The following MAML3 variants were observed in gnomAD, a reference collection of about 807,000 sequenced individuals.
The protein encoded by MAML3 is mastermind like transcriptional coactivator 3, also known as mastermind-like protein 3.
A neutral mutation model predicts 101.9 loss-of-function variants in MAML3; 27 were observed. The ratio of observed to expected loss-of-function variants is 0.27; its 90% CI spans 0.20 to 0.37. The LOEUF (loss-of-function observed/expected upper bound fraction) is 0.37, where lower values mean the gene tolerates loss of function less well. Among genes scored for constraint, MAML3 ranks in the 10% least tolerant of loss-of-function variants. The pLI, the probability that MAML3 is intolerant of heterozygous loss-of-function variation, is 1.00. For missense variants in MAML3, 1,316 were observed against 1,444.9 expected (o/e 0.91, Z 1.45); for synonymous variants, 501 against 555.9 (o/e 0.90, Z 1.39).
chr4:139,909,224 T>A (rs982272607), intron 1 of MAML3, among the ~76,000 whole-genome samples: 3 of 152,154 alleles, frequency 2.0e-5, no homozygotes, highest in Admixed American at 2.0e-4. Flanking sequence ...CTATACCTCA[T>A]GGAAAGGATT....
intron 1 of MAML3, among the ~76,000 whole-genome samples, chr4:139,909,441 A>G (rs1732878703): frequency 6.6e-6 from 1 of 152,192 alleles, no homozygotes; most frequent in Non-Finnish European, 1.5e-5. Flanking sequence ...AAGACCTGGG[A>G]AGCATCAACT....
At chr4:139,889,133 C>G in intron 2 of MAML3, 1 of 845,726 alleles carries the variant, frequency 1.2e-6, no homozygotes, top group Non-Finnish European at 2.0e-6. Flanking sequence ...AAGTTTGATT[C>G]CTAGACACTG....
intron 2 of MAML3, among the ~76,000 whole-genome samples, chr4:139,732,661 A>G (rs1405046663): frequency 2.0e-5 from 3 of 151,560 alleles, no homozygotes; most frequent in East Asian, 3.9e-4. Flanking sequence ...TCCATAAGTT[A>G]TCGGGGTACA....
At chr4:139,909,340 G>A (rs933374472) in intron 1 of MAML3, among the ~76,000 whole-genome samples, 18 of 152,158 alleles carry the variant, frequency 1.2e-4, no homozygotes, top group African/African-American at 2.9e-4. Flanking sequence ...AATATTTAAC[G>A]AACAGGTATA....
chr4:139,855,710 G>A (rs993037058), intron 2 of MAML3, among the ~76,000 whole-genome samples: 1 of 152,134 alleles, frequency 6.6e-6, no homozygotes, highest in African/African-American at 2.4e-5. Context: ...GGCATCAAAG[G>A]TTTGCTATCA....
intron 1 of MAML3, among the ~76,000 whole-genome samples, chr4:139,934,725 C>T (rs1733472270): frequency 6.6e-6 from 1 of 152,178 alleles, no homozygotes; most frequent in Non-Finnish European, 1.5e-5. Context: ...AGGAAAAAAC[C>T]AAACTCAACC....
rs368902201 is a variant in MAML3, at chr4:139,730,818, G to A, written c.2080-151C>T. On this transcript the variant is annotated intron_variant, in intron 2 of 4. Coordinates refer to ENST00000509479, the MANE Select transcript of MAML3 (RefSeq NM_018717.5). ...TGGCACGCATTGCATTTCCATAAACGTAGCTTCAAACCCGACCTTACCTGA... is the reference window on the plus strand; with the variant it reads ...TGGCACGCATTGCATTTCCATAAACATAGCTTCAAACCCGACCTTACCTGA... The A allele has an allele frequency of 2.6e-5, 18 of 688,448 alleles. No individual in the cohort carries two copies. In the South Asian group the frequency reaches 2.7e-4, roughly 10 times the overall value. 42.6% of individuals were successfully genotyped at this position (688,448 alleles called of 1,614,324 possible). A position where few individuals can be genotyped will look rare whatever the true frequency, so the allele number is the denominator to read the frequency against.
chr4:139,792,840 G>A (rs920192066), intron 2 of MAML3, among the ~76,000 whole-genome samples: 2 of 151,698 alleles, frequency 1.3e-5, no homozygotes, highest in Non-Finnish European at 2.9e-5. Flanking sequence ...CGCCTCCCGG[G>A]TTCACGCCAT....
At chr4:139,846,713 A>G (rs1210085073) in intron 2 of MAML3, among the ~76,000 whole-genome samples, 1 of 152,222 alleles carries the variant, frequency 6.6e-6, no homozygotes, top group African/African-American at 2.4e-5. Flanking sequence ...GCTTTTCTTT[A>G]CAGGCACAGT....
chr4:140,008,100 T>C (rs1485460219), intron 1 of MAML3, among the ~76,000 whole-genome samples: 1 of 152,216 alleles, frequency 6.6e-6, no homozygotes, highest in African/African-American at 2.4e-5. Flanking sequence ...ATCCCAGCAC[T>C]TTGGGAGGCC....
chr4:139,759,925 A>T (rs1729720186), intron 2 of MAML3, among the ~76,000 whole-genome samples: 1 of 152,274 alleles, frequency 6.6e-6, no homozygotes, highest in Non-Finnish European at 1.5e-5. Flanking sequence ...GAAAATATGT[A>T]AAACAAAGAG....
chr4:139,882,807 C>G (rs192455857), intron 2 of MAML3, among the ~76,000 whole-genome samples: 1,816 of 152,294 alleles, frequency 0.012, 24 homozygotes, highest in Middle Eastern at 0.044. Context: ...CAAGATCGAG[C>G]CACTGCACTC....
chr4:139,816,584 C>T (rs1212235397), intron 2 of MAML3, among the ~76,000 whole-genome samples: 1 of 152,108 alleles, frequency 6.6e-6, no homozygotes, highest in Non-Finnish European at 1.5e-5. Context: ...TCCTAATTCT[C>T]ATGCAAGGGC....
intron 1 of MAML3, among the ~76,000 whole-genome samples, chr4:139,967,007 G>A (rs1734144709): frequency 6.6e-6 from 1 of 152,052 alleles, no homozygotes; most frequent in South Asian, 2.1e-4. Context: ...GATATATTCT[G>A]GTAAATAAAA....
rs544240010 is a variant in MAML3, at chr4:139,730,516, A to G, written c.2231T>C (p.Ile744Thr). The stretch of plus-strand genomic sequence containing the variant: ...CTCTATCAACTGGGCCCGCTGATCA[A>G]TGAGCATCTGCTTCATGATGGCTGC... Reference protein sequence around the residue: ...PQAAIMKQMLIDQRAQLIEQQ... With the variant: ...PQAAIMKQMLTDQRAQLIEQQ... The change falls in exon 3 of 5, where the codon ATT (isoleucine) becomes ACT (threonine). Residue 744 changes from isoleucine (I) to threonine (T), a missense_variant. By Grantham distance (89) the Ile-to-Thr change is moderately conservative. Coordinates refer to ENST00000509479, the MANE Select transcript of MAML3 (RefSeq NM_018717.5). 9.8e-5 allele frequency: 153 copies of G among 1,561,200 alleles called. 1 individual carries two copies. In the East Asian group the frequency reaches 3.3e-3, roughly 34 times the overall value.
chr4:139,934,747 C>T (rs1241764523), intron 1 of MAML3, among the ~76,000 whole-genome samples: 1 of 152,198 alleles, frequency 6.6e-6, no homozygotes. Flanking sequence ...CTAAAGTGTT[C>T]TTCCCTAAAT....
chr4:140,092,724 A>G (rs944137263), intron 1 of MAML3, among the ~76,000 whole-genome samples: 2 of 152,044 alleles, frequency 1.3e-5, no homozygotes, highest in Admixed American at 1.3e-4. Context: ...GGTGGAGCCC[A>G]CACCTCATTC....
In MAML3 at chr4:140,153,524, A is replaced by C. The variant is rs1265738355; in HGVS notation, c.-197T>G. On this transcript the variant is annotated 5_prime_UTR_variant, in exon 1 of 5. Transcript: ENST00000509479. ...GGGTGGTTTTTGTTTCCTTTTTTTA[A>C]ACTGTAAAAGCTCAAGGGGAAGAAA... 2 of 576,604 alleles carry C rather than the reference A, an allele frequency of 3.5e-6. No homozygotes were observed. The highest frequency in any genetic ancestry group is 3.7e-5 in the Admixed American group (1 of 27,092). The allele number at this position is 576,604 out of a possible 1,614,324, so 35.7% of individuals were successfully genotyped here.
chr4:139,747,555 G>A (rs1220316715), intron 2 of MAML3, among the ~76,000 whole-genome samples: 3 of 152,016 alleles, frequency 2.0e-5, no homozygotes, highest in Non-Finnish European at 1.5e-5. Context: ...TTAGCCGGCT[G>A]TGGTGGTGTG....
Sources: gnomAD v4.1 joint callset for allele counts (sites outside exome capture counted in the v4.1 genomes callset) on GRCh38, gnomAD v4.1.1 for gene constraint, MANE v1.5 for transcripts, NCBI Gene and HGNC (gene_info 2026-07-23, HGNC 2026-07-21) for gene names.